ZFHX3: variants seen among roughly 807,000 people sequenced by gnomAD.
ZFHX3 encodes zinc finger homeobox protein 3.
ZFHX3 carries 42 observed loss-of-function variants against 279.1 expected under a neutral mutation model. The ratio of observed to expected loss-of-function variants is 0.15; its 90% CI spans 0.12 to 0.19. The LOEUF (loss-of-function observed/expected upper bound fraction) is 0.19. ZFHX3 is among the 10% of genes least tolerant of loss of function. The pLI is 1.00. For missense variants in ZFHX3, 4,981 were observed against 4,754.0 expected (o/e 1.05, Z -1.40); for synonymous variants, 2,293 against 1,957.8 (o/e 1.17, Z -4.52).
At position 72,922,029 on chromosome 16, in the gene ZFHX3, T is replaced by C. The variant is rs551481702; in HGVS notation, c.3216+28440A>G. On this transcript the variant is annotated intron_variant, in intron 3 of 9. Transcript: ENST00000268489. The stretch of plus-strand genomic sequence containing the variant: ...CTGGGGGCACCAGCCATGGAGGGGG[T>C]CTCACTTCCTTCTCAGCCCTGCAGC... Among the ~76,000 whole-genome samples the C allele has an allele frequency of 1.3e-3, 196 of 151,594 alleles. 2 individuals carry two copies. In the Middle Eastern group the frequency reaches 0.02, roughly 16 times the overall value.
chr16:73,733,491 TACAA>T (rs1396944025), intron 1 of ZFHX3, among the ~76,000 whole-genome samples: 6 of 152,236 alleles, frequency 3.9e-5, no homozygotes, highest in African/African-American at 7.2e-5. Context: ...CTAATTGAAG[TACAA>T]ACAATTTGTG....
At chr16:73,396,273 C>T (rs1329522230) in intron 3 of ZFHX3, among the ~76,000 whole-genome samples, 1 of 152,198 alleles carries the variant, frequency 6.6e-6, no homozygotes, top group Non-Finnish European at 1.5e-5. Flanking sequence ...TGAAGATTGG[C>T]TTATTTATGA....
chr16:73,805,644 T>A (rs1050471689), intron 1 of ZFHX3, among the ~76,000 whole-genome samples: 1 of 152,350 alleles, frequency 6.6e-6, no homozygotes, highest in South Asian at 2.1e-4. Context: ...ACAAACATGT[T>A]AAGCACCAAT....
intron 1 of ZFHX3, among the ~76,000 whole-genome samples, chr16:73,864,606 C>T (rs1004328104): frequency 6.6e-6 from 1 of 152,116 alleles, no homozygotes; most frequent in African/African-American, 2.4e-5. Flanking sequence ...GTAGTCCCAG[C>T]TACTTGGGAG....
chr16:72,789,169 C>G (rs1479316255), intron 9 of ZFHX3: 1 of 247,800 alleles, frequency 4.0e-6, no homozygotes, highest in African/African-American at 2.2e-5. Context: ...CCATACTTCC[C>G]CTTTCAGCCA....
intron 1 of ZFHX3, among the ~76,000 whole-genome samples, chr16:73,687,503 G>T (rs2053101478): frequency 6.6e-6 from 1 of 151,974 alleles, no homozygotes; most frequent in Non-Finnish European, 1.5e-5. Context: ...ATCTTCTGTT[G>T]GTGTACATCA....
intron 1 of ZFHX3, among the ~76,000 whole-genome samples, chr16:73,727,495 G>A (rs57135590): frequency 0.018 from 2,682 of 152,260 alleles, 77 homozygotes; most frequent in African/African-American, 0.062. Context: ...AGAAGAGATG[G>A]AGTTACCCAG....
intron 2 of ZFHX3, among the ~76,000 whole-genome samples, chr16:73,497,549 A>G (rs1218308894): frequency 6.6e-6 from 1 of 152,178 alleles, no homozygotes. Flanking sequence ...ATATGCCTGT[A>G]GTCCCAGCCA....
intron 2 of ZFHX3, among the ~76,000 whole-genome samples, chr16:73,519,705 C>A (rs1169513185): frequency 6.6e-6 from 1 of 152,144 alleles, no homozygotes; most frequent in Non-Finnish European, 1.5e-5. Context: ...CAGAAGGCAG[C>A]CTCAATACTC....
chr16:73,054,467 TTA>T lies in ZFHX3; in HGVS notation c.-24+4061_-24+4062del, dbSNP rs1491128253. On this transcript the variant is annotated intron_variant, in intron 1 of 8. Coordinates refer to the ZFHX3 transcript ENST00000397992. Reference sequence around the variant, plus strand: ...ATTTTTTTTTTTTTTTTTTTTTTTTTTAGGAAATCCACACTTTTCATTATTAT... The same window carrying T: ...ATTTTTTTTTTTTTTTTTTTTTTTTTGGAAATCCACACTTTTCATTATTAT... 4.7e-5 allele frequency among the ~76,000 whole-genome samples: 6 copies of T among 128,920 alleles called. No individual in the cohort carries two copies. In the South Asian group the frequency reaches 1.1e-3, roughly 24 times the overall value. 84.6% of individuals were successfully genotyped at this position (128,920 alleles called of 152,430 possible).
intron 5 of ZFHX3, among the ~76,000 whole-genome samples, chr16:73,240,227 C>CTT (rs57832372): frequency 1.4e-5 from 2 of 146,046 alleles, no homozygotes. Context: ...ATTTTCTTTT[C>CTT]TTTTTTTTTT....
chr16:73,637,125 T>C (rs1162909249), intron 2 of ZFHX3, among the ~76,000 whole-genome samples: 2 of 152,038 alleles, frequency 1.3e-5, no homozygotes, highest in Admixed American at 6.6e-5. Flanking sequence ...TAATTTAATG[T>C]GGCATTTCAA....
intron 1 of ZFHX3, among the ~76,000 whole-genome samples, chr16:73,820,650 C>T (rs574279248): frequency 4.7e-4 from 71 of 152,100 alleles, no homozygotes; most frequent in African/African-American, 1.4e-3. Context: ...AAGCAAGAAC[C>T]GCCCTGCTGA....
intron 2 of ZFHX3, among the ~76,000 whole-genome samples, chr16:73,522,140 T>C (rs2019618271): frequency 6.6e-6 from 1 of 152,222 alleles, no homozygotes; most frequent in African/African-American, 2.4e-5. Context: ...GGATGTCCAT[T>C]GATTTTGAGC....
rs542567569 is a variant in ZFHX3, at chr16:72,794,272, A to G, written c.8410T>C (p.Ser2804Pro). 1.2e-6 allele frequency: 2 copies of G among 1,614,016 alleles called. No homozygotes were observed. The highest frequency in any genetic ancestry group is 1.7e-5 in the Admixed American group (1 of 60,012). Reference protein sequence around the residue: ...LSPRTLLSPSSIKVEGIEDFE... With the variant: ...LSPRTLLSPSPIKVEGIEDFE... ...TCTTCAATCCCTTCCACCTTAATGG[A>G]GGAAGGGCTTAGAAGAGTTCTGGGT... The change falls in exon 9 of 10, where the codon TCC (serine) becomes CCC (proline). Residue 2804 changes from serine (S) to proline (P), a missense_variant. Ser to Pro is a moderately conservative substitution (Grantham distance 74). Around this residue, in one of 7 missense-constraint regions of ZFHX3, gnomAD observed 744 missense variants for 701.3 expected, o/e 1.06. Coordinates refer to ENST00000268489, the MANE Select transcript of ZFHX3 (RefSeq NM_006885.4). This position sits in a 1 kb window ranked among gnomAD's most constrained non-coding sequence, Gnocchi z 4.2.
chr16:73,093,351 C>A, exon 8 of ZFHX3: 2 of 409,116 alleles, frequency 4.9e-6, no homozygotes, highest in South Asian at 1.8e-5. Flanking sequence ...GGCCAACAGA[C>A]GTCTGAAAGC....
intron 1 of ZFHX3, among the ~76,000 whole-genome samples, chr16:73,735,901 T>TGTTTGTTTGTTTGTTTGTTTGTTTG (rs375304884): frequency 6.9e-6 from 1 of 145,952 alleles, no homozygotes; most frequent in South Asian, 2.1e-4. Flanking sequence ...GTTTTTTTTT[T>TGTTTGTTTGTTTGTTTGTTTGTTTG]TTTTTTTTTT....
At chr16:73,606,077 G>A (rs2052176517) in intron 2 of ZFHX3, among the ~76,000 whole-genome samples, 1 of 149,274 alleles carries the variant, frequency 6.7e-6, no homozygotes, top group Admixed American at 6.7e-5. Context: ...CAGCTATTTG[G>A]GAGGCTGAGG....
intron 2 of ZFHX3, among the ~76,000 whole-genome samples, chr16:73,469,497 A>C (rs1424583242): frequency 1.3e-5 from 2 of 152,170 alleles, no homozygotes; most frequent in African/African-American, 2.4e-5. Context: ...GCAGGTTCTC[A>C]AAGAATTCTA....
Sources: allele counts gnomAD v4.1 joint callset (sites outside exome capture counted in the v4.1 genomes callset), GRCh38; gene constraint gnomAD v4.1.1; regional missense constraint gnomAD v4.1.1; non-coding constraint Gnocchi (gnomAD v3.1); transcripts MANE v1.5; gene names NCBI Gene and HGNC (gene_info 2026-07-23, HGNC 2026-07-21).